Variants in ZBTB8OS observed in about 807,000 individuals in gnomAD.
ZBTB8OS encodes tRNA-splicing ligase-activating factor archease.
ZBTB8OS carries 16 observed loss-of-function variants against 29.3 expected under a neutral mutation model. That is an observed-to-expected ratio of 0.55 (90% CI 0.37 to 0.83). ZBTB8OS has a LOEUF of 0.83. ZBTB8OS is among the 40% of genes least tolerant of loss of function. The probability of loss-of-function intolerance (pLI) is 0.00; values close to 1 mark genes in which losing one functional copy is unlikely to be tolerated. For missense variants in ZBTB8OS, 160 were observed against 196.9 expected (o/e 0.81, Z 1.12); for synonymous variants, 70 against 64.6 (o/e 1.08, Z -0.40).
intron 1 of ZBTB8OS, among the ~76,000 whole-genome samples, chr1:32,637,605 T>C (rs541124810): frequency 6.6e-6 from 1 of 151,860 alleles, no homozygotes; most frequent in Admixed American, 6.6e-5. Flanking sequence ...GTTCCATCTA[T>C]ATGAAAACTA....
At chr1:32,629,603 A>G (rs1645382534) in intron 5 of ZBTB8OS, among the ~76,000 whole-genome samples, 1 of 152,182 alleles carries the variant, frequency 6.6e-6, no homozygotes, top group Non-Finnish European at 1.5e-5. Flanking sequence ...AAGGCCCTAG[A>G]AAAGTAATCT....
chr1:32,632,920 A>G (rs75091969), intron 4 of ZBTB8OS, among the ~76,000 whole-genome samples: 4,607 of 152,280 alleles, frequency 0.03, 236 homozygotes, highest in African/African-American at 0.1. Context: ...AGGCACTTGA[A>G]TTCTGTAGGA....
intron 1 of ZBTB8OS, among the ~76,000 whole-genome samples, chr1:32,649,441 C>T (rs1415314864): frequency 6.6e-6 from 1 of 151,868 alleles, no homozygotes; most frequent in East Asian, 1.9e-4. Context: ...ATTTGTGCTC[C>T]CCAAACCACA....
intron 6 of ZBTB8OS, among the ~76,000 whole-genome samples, chr1:32,626,876 G>A (rs1425854384): frequency 6.6e-6 from 1 of 151,802 alleles, no homozygotes; most frequent in Non-Finnish European, 1.5e-5. Flanking sequence ...AATGGTTGGG[G>A]AAAAAAATCA....
chr1:32,638,230 CTTT>C (rs760775116), intron 1 of ZBTB8OS, among the ~76,000 whole-genome samples: 4 of 102,142 alleles, frequency 3.9e-5, no homozygotes, highest in Non-Finnish European at 7.7e-5. Flanking sequence ...CTCCAGAATT[CTTT>C]TTTTTTTTTT....
chr1:32,635,866 C>G (rs963481402), intron 1 of ZBTB8OS, among the ~76,000 whole-genome samples: 1 of 152,148 alleles, frequency 6.6e-6, no homozygotes, highest in Admixed American at 6.6e-5. Flanking sequence ...GAAAAGACCC[C>G]CTTCTTGCCT....
upstream of ZBTB8OS, chr1:32,650,902 C>T (rs1647464320): frequency 2.1e-6 from 1 of 471,146 alleles, no homozygotes; most frequent in Non-Finnish European, 3.8e-6. Context: ...CTGAAAGGGT[C>T]GTAAGCTTAA....
At chr1:32,631,992 CTTTTTTTTTTT>C (rs71006345) in intron 4 of ZBTB8OS, 113 bp from the exon 5 acceptor site, 4 of 135,728 alleles carry the variant, frequency 2.9e-5, no homozygotes, top group South Asian at 2.1e-4. Context: ...TTGGTAAAAC[CTTTTTTTTTTT>C]TTTTTTTTTT....
upstream of ZBTB8OS, chr1:32,650,682 C>A: frequency 1.4e-6 from 2 of 1,392,030 alleles, no homozygotes; most frequent in Non-Finnish European, 2.0e-6. Context: ...TTAGTCCCTA[C>A]CCTGCCGCTT....
intron 1 of ZBTB8OS, among the ~76,000 whole-genome samples, chr1:32,636,153 G>A (rs1359484479): frequency 5.9e-5 from 9 of 152,122 alleles, no homozygotes; most frequent in Non-Finnish European, 5.9e-5. Flanking sequence ...TCAATCCCCT[G>A]TGATTCCATC....
intron 5 of ZBTB8OS, among the ~76,000 whole-genome samples, chr1:32,628,971 TA>T (rs527382584): frequency 3.9e-5 from 6 of 151,964 alleles, no homozygotes; most frequent in Admixed American, 3.9e-4. Context: ...TTAAAAACTT[TA>T]AAAAAAGGTT....
chr1:32,640,836 A>C (rs1287774965), intron 1 of ZBTB8OS, among the ~76,000 whole-genome samples: 1 of 151,932 alleles, frequency 6.6e-6, no homozygotes, highest in African/African-American at 2.4e-5. Context: ...CATTATCAAC[A>C]AATATTGTCA....
At chr1:32,650,644 C>T (rs1005492324), upstream of ZBTB8OS, 21 of 1,575,940 alleles carry the variant, frequency 1.3e-5, no homozygotes, top group South Asian at 4.6e-5. Flanking sequence ...GACCACACTC[C>T]TTTCTCGGAG....
chr1:32,650,121 G>T (rs1429782128), intron 1 of ZBTB8OS, among the ~76,000 whole-genome samples: 4 of 152,114 alleles, frequency 2.6e-5, no homozygotes, highest in African/African-American at 7.2e-5. Context: ...ATACATGGGG[G>T]TAACAACCCT....
In ZBTB8OS at chr1:32,632,852, T is replaced by C. The variant is rs147988813; in HGVS notation, c.327+793A>G. 2.9e-3 allele frequency among the ~76,000 whole-genome samples: 440 copies of C among 152,192 alleles called. 4 individuals carry two copies. The highest frequency in any genetic ancestry group is 0.01 in the African/African-American group (429 of 41,520). ...GTTTAACGCTGGGGGAAAACAGATA[T>C]ATGGTGGAGGAGGACGACATAGGAT... On this transcript the variant is annotated intron_variant, in intron 4 of 6. Coordinates refer to ENST00000468695, the MANE Select transcript of ZBTB8OS (RefSeq NM_178547.5).
chr1:32,642,230 G>A (rs890593526), intron 1 of ZBTB8OS, among the ~76,000 whole-genome samples: 7 of 151,928 alleles, frequency 4.6e-5, no homozygotes, highest in South Asian at 4.1e-4. Flanking sequence ...AGGGCCGGGC[G>A]CGGTGGTTCA....
chr1:32,650,758 A>G (rs113601952), upstream of ZBTB8OS: 9,081 of 688,276 alleles, frequency 0.013, 98 homozygotes, highest in Non-Finnish European at 0.016. Context: ...TTCTTTCCAA[A>G]GACTAAGGAA....
At chr1:32,647,072 A>AAAAAAAT (rs1646902887) in intron 1 of ZBTB8OS, among the ~76,000 whole-genome samples, 1 of 136,550 alleles carries the variant, frequency 7.3e-6, no homozygotes, top group African/African-American at 2.9e-5. Context: ...AAAAAAAAAA[A>AAAAAAAT]ATGCCAGGCG....
chr1:32,629,678 T>C (rs915333809), intron 5 of ZBTB8OS, among the ~76,000 whole-genome samples: 13 of 151,826 alleles, frequency 8.6e-5, no homozygotes, highest in African/African-American at 3.1e-4. Flanking sequence ...CAACGTGGTA[T>C]AATAGAAAGA....
Sources: allele counts gnomAD v4.1 joint callset (sites outside exome capture counted in the v4.1 genomes callset), GRCh38; gene constraint gnomAD v4.1.1; transcripts MANE v1.5; gene names NCBI Gene and HGNC (gene_info 2026-07-23, HGNC 2026-07-21).